The following CCSER1 variants were observed in gnomAD, a reference collection of about 807,000 sequenced individuals.
The protein encoded by CCSER1 is coiled-coil serine rich protein 1.
Under a neutral mutation model 82.0 loss-of-function variants are expected in CCSER1, and 41 were observed. The observed-to-expected ratio is 0.50, with a 90% CI of 0.39 to 0.65. The LOEUF is 0.65. CCSER1 is among the 30% of genes least tolerant of loss of function. The probability of loss-of-function intolerance (pLI) is 0.00; values close to 1 mark genes in which losing one functional copy is unlikely to be tolerated. For missense variants in CCSER1, 1,119 were observed against 1,064.2 expected (o/e 1.05, Z -0.72); for synonymous variants, 414 against 383.9 (o/e 1.08, Z -0.92).
At chr4:91,558,314 G>A (rs1560762274) in intron 10 of CCSER1, among the ~76,000 whole-genome samples, 1 of 151,600 alleles carries the variant, frequency 6.6e-6, no homozygotes, top group Non-Finnish European at 1.5e-5. Flanking sequence ...GGAGATAAAT[G>A]TACTTCCTCA....
At chr4:90,333,652 T>C (rs2153498926) in intron 3 of CCSER1, among the ~76,000 whole-genome samples, 1 of 152,314 alleles carries the variant, frequency 6.6e-6, no homozygotes, top group South Asian at 2.1e-4. Context: ...TCCACAATTG[T>C]CAAAGTGTAA....
At chr4:91,295,583 A>T (rs72670932) in intron 10 of CCSER1, among the ~76,000 whole-genome samples, 32,905 of 151,890 alleles carry the variant, frequency 0.22, 4,666 homozygotes, top group African/African-American at 0.41. Context: ...TTTTACAAAG[A>T]TCATGAACAA....
intron 7 of CCSER1, chr4:90,780,386 A>T: frequency 6.4e-7 from 1 of 1,561,610 alleles, no homozygotes; most frequent in Admixed American, 1.8e-5. Context: ...TAATTCAAGC[A>T]AAATGCTGAG....
intron 10 of CCSER1, among the ~76,000 whole-genome samples, chr4:91,190,916 C>T (rs1734939379): frequency 6.6e-6 from 1 of 152,142 alleles, no homozygotes; most frequent in Non-Finnish European, 1.5e-5. Flanking sequence ...GACTTTACTA[C>T]CTCAGTTTTC....
At chr4:91,538,698 C>CATATATTATATATATATATATAATAT in intron 10 of CCSER1, among the ~76,000 whole-genome samples, 28 of 138,320 alleles carry the variant, frequency 2.0e-4, no homozygotes, top group African/African-American at 7.7e-4. Flanking sequence ...TATATATACA[C>CATATATTATATATATATATATAATAT]ATATATATAT....
intron 5 of CCSER1, among the ~76,000 whole-genome samples, chr4:90,482,871 G>C (rs897732851): frequency 1.3e-5 from 2 of 152,198 alleles, no homozygotes; most frequent in Non-Finnish European, 2.9e-5. Context: ...GGAGAGTTCT[G>C]TAGATGTCTA....
chr4:91,356,099 G>A (rs1017374237), intron 10 of CCSER1, among the ~76,000 whole-genome samples: 1 of 152,206 alleles, frequency 6.6e-6, no homozygotes, highest in African/African-American at 2.4e-5. Context: ...GTGCTAACAG[G>A]TCTGTTGCTA....
intron 9 of CCSER1, among the ~76,000 whole-genome samples, chr4:91,059,632 C>G (rs569928370): frequency 6.6e-6 from 1 of 151,950 alleles, no homozygotes; most frequent in Non-Finnish European, 1.5e-5. Flanking sequence ...CACACAAACA[C>G]ACACACACAA....
intron 8 of CCSER1, among the ~76,000 whole-genome samples, chr4:90,851,389 A>G (rs369563225): frequency 2.2e-5 from 3 of 138,996 alleles, no homozygotes; most frequent in Admixed American, 7.6e-5. Flanking sequence ...CTTACTAGGG[A>G]TGATAACCTT....
Position 91,601,810 on chromosome 4 carries a change from G to A in CCSER1, c.*2753G>A, listed in dbSNP as rs1431910335. ...AAATTGTCTCTTCTGAATTTAGAAT[G>A]TGTTTTAAAGGAACACTTAGGAAGA... On this transcript the variant is annotated 3_prime_UTR_variant, in exon 11 of 11. Coordinates refer to ENST00000509176, the MANE Select transcript of CCSER1 (RefSeq NM_001145065.2). The A allele has an allele frequency of 6.6e-6, 1 of 152,004 alleles. No homozygotes were observed. The highest frequency in any genetic ancestry group is 1.9e-4 in the East Asian group (1 of 5,182). 9.4% of individuals were successfully genotyped at this position (152,004 alleles called of 1,614,324 possible).
chr4:91,331,366 C>T (rs1440561487), intron 10 of CCSER1, among the ~76,000 whole-genome samples: 2 of 152,008 alleles, frequency 1.3e-5, no homozygotes, highest in Non-Finnish European at 2.9e-5. Context: ...TAATTCTAGA[C>T]CCACTCTTGC....
chr4:90,590,931 C>T (rs7681737), intron 5 of CCSER1, among the ~76,000 whole-genome samples: 1,891 of 152,276 alleles, frequency 0.012, 35 homozygotes, highest in African/African-American at 0.04. Flanking sequence ...TATCCATCAG[C>T]GTGGAACTAT....
chr4:90,938,057 T>C (rs968160790), intron 9 of CCSER1, among the ~76,000 whole-genome samples: 1 of 152,144 alleles, frequency 6.6e-6, no homozygotes, highest in Non-Finnish European at 1.5e-5. Flanking sequence ...ATTATACTTC[T>C]TTTCATATAT....
intron 8 of CCSER1, among the ~76,000 whole-genome samples, chr4:90,883,575 T>C (rs1045274209): frequency 7.3e-5 from 11 of 150,696 alleles, no homozygotes; most frequent in African/African-American, 2.7e-4. Context: ...CAAGTGTACA[T>C]AGTCCTAAAA....
intron 1 of CCSER1, among the ~76,000 whole-genome samples, chr4:90,292,364 A>G (rs1731088859): frequency 6.6e-6 from 1 of 151,982 alleles, no homozygotes; most frequent in African/African-American, 2.4e-5. Context: ...GACTGCATGC[A>G]TATGTTTTAA....
intron 9 of CCSER1, among the ~76,000 whole-genome samples, chr4:91,038,797 A>T (rs1741672019): frequency 6.6e-6 from 1 of 152,148 alleles, no homozygotes; most frequent in Non-Finnish European, 1.5e-5. Context: ...GAAAATGTAG[A>T]TGACATAGGA....
intron 5 of CCSER1, among the ~76,000 whole-genome samples, chr4:90,550,424 A>G (rs1367541210): frequency 6.6e-6 from 1 of 152,152 alleles, no homozygotes; most frequent in African/African-American, 2.4e-5. Flanking sequence ...TTGAGATTCT[A>G]TAGTATTGTT....
chr4:91,599,289 A>G lies in CCSER1; in HGVS notation c.*232A>G, dbSNP rs532267459. The stretch of plus-strand genomic sequence containing the variant: ...GTTGCATTGCCTTGAAGACTTTACT[A>G]TATAGGTGTATAATAAATGGGACCA... On this transcript the variant is annotated 3_prime_UTR_variant, in exon 11 of 11. Transcript: ENST00000509176. 1.0e-4 allele frequency: 45 copies of G among 436,596 alleles called. 1 individual carries two copies. In the South Asian group the frequency reaches 1.9e-3, roughly 19 times the overall value. 27.0% of individuals were successfully genotyped at this position (436,596 alleles called of 1,614,324 possible).
intron 9 of CCSER1, among the ~76,000 whole-genome samples, chr4:90,985,010 C>A (rs1289930674): frequency 1.3e-5 from 2 of 151,634 alleles, no homozygotes; most frequent in Admixed American, 6.6e-5. Context: ...AAGGCGAAGG[C>A]AGAATAATTG....
Sources: gnomAD v4.1 joint callset for allele counts (sites outside exome capture counted in the v4.1 genomes callset) on GRCh38, gnomAD v4.1.1 for gene constraint, MANE v1.5 for transcripts, NCBI Gene and HGNC (gene_info 2026-07-23, HGNC 2026-07-21) for gene names.